PCDHA6: variants seen among roughly 807,000 people sequenced by gnomAD.
PCDHA6 encodes protocadherin alpha 6.
PCDHA6 carries 55 observed loss-of-function variants against 60.3 expected under a neutral mutation model. The observed-to-expected ratio is 0.91, with a 90% confidence interval of 0.73 to 1.14. PCDHA6 has a LOEUF of 1.14. Ranked by LOEUF, PCDHA6 falls within the 50% of genes most tolerant of loss-of-function variation. The pLI is 0.00. For missense variants in PCDHA6, 1,327 were observed against 1,256.5 expected, an observed-to-expected ratio of 1.06 and a Z score of -0.85; for synonymous variants, 652 against 557.9, an observed-to-expected ratio of 1.17 and a Z score of -2.38.
chr5:140,876,034 A>G, intron 1 of PCDHA6: 1 of 1,613,792 alleles, frequency 6.2e-7, no homozygotes, highest in Admixed American at 1.7e-5. Flanking sequence ...AAAAAAAGAT[A>G]AAAGTATATT....
intron 3 of PCDHA6, among the ~76,000 whole-genome samples, chr5:141,008,980 A>C (rs533099581): frequency 6.6e-6 from 1 of 152,374 alleles, no homozygotes; most frequent in African/African-American, 2.4e-5. Context: ...GCCAAAGTTT[A>C]ATCTAGACAC....
intron 3 of PCDHA6, among the ~76,000 whole-genome samples, chr5:141,002,404 C>T (rs1167193365): frequency 2.0e-5 from 3 of 152,200 alleles, no homozygotes; most frequent in African/African-American, 7.2e-5. Context: ...CTCTGTGCCT[C>T]CCAAATAGTA....
intron 3 of PCDHA6, among the ~76,000 whole-genome samples, chr5:141,000,361 GTCTCTCTCTCTCTC>G (rs148596731): frequency 5.7e-4 from 15 of 26,444 alleles, no homozygotes; most frequent in African/African-American, 2.0e-3. Context: ...GTCTCTCTCT[GTCTCTCTCTCTCTC>G]TCTCTCTCTC....
chr5:141,004,642 C>T (rs1470971220), intron 3 of PCDHA6, among the ~76,000 whole-genome samples: 1 of 152,120 alleles, frequency 6.6e-6, no homozygotes, highest in African/African-American at 2.4e-5. Context: ...GAAAAATTTC[C>T]ATTTTGGGCT....
intron 1 of PCDHA6, chr5:140,836,570 G>A (rs1294838200): frequency 6.2e-6 from 10 of 1,613,682 alleles, no homozygotes; most frequent in Non-Finnish European, 7.6e-6. Flanking sequence ...CGTCCTCTGA[G>A]GGCGCATGTA....
intron 3 of PCDHA6, among the ~76,000 whole-genome samples, chr5:140,988,690 C>T (rs1286168942): frequency 2.6e-5 from 4 of 152,148 alleles, no homozygotes; most frequent in South Asian, 2.1e-4. Flanking sequence ...TTTCCCTAGA[C>T]GCTCTGTATT....
At chr5:140,870,439 G>A (rs374343977) in intron 1 of PCDHA6, 5 of 1,614,126 alleles carry the variant, frequency 3.1e-6, no homozygotes, top group African/African-American at 2.7e-5. Flanking sequence ...GGAGGTGGCC[G>A]ACGTGAACGA....
chr5:140,928,296 T>C (rs2085128137), intron 1 of PCDHA6: 6 of 1,614,054 alleles, frequency 3.7e-6, no homozygotes, highest in African/African-American at 1.3e-5. Flanking sequence ...GCCGAGTGTT[T>C]GCCCAGGACC....
chr5:140,995,353 G>A lies in PCDHA6; in HGVS notation c.2542+12790G>A, dbSNP rs922727759. 8.5e-5 allele frequency among the ~76,000 whole-genome samples: 13 copies of A among 152,138 alleles called. 1 individual carries two copies. The highest frequency in any genetic ancestry group is 4.2e-4 in the South Asian group (2 of 4,804). ...GTAGTGTAGACGGCATGGATAGGTC[G>A]GACAGAGGGATGATTCACGTACTGG... On this transcript the variant is annotated intron_variant, in intron 3 of 3. Transcript: ENST00000529310.
chr5:140,954,885 T>C (rs1291095041), intron 1 of PCDHA6, among the ~76,000 whole-genome samples: 1 of 152,218 alleles, frequency 6.6e-6, no homozygotes, highest in Non-Finnish European at 1.5e-5. Context: ...GCTTTTCTTC[T>C]AGGGTTTTTA....
intron 1 of PCDHA6, chr5:140,884,812 G>A: frequency 9.0e-7 from 1 of 1,117,104 alleles, no homozygotes; most frequent in Non-Finnish European, 1.2e-6. Flanking sequence ...ACTCTGCTGT[G>A]GACATTATGT....
At chr5:140,853,047 T>C in intron 1 of PCDHA6, 1 of 270,060 alleles carries the variant, frequency 3.7e-6, no homozygotes, top group Non-Finnish European at 5.9e-6. Context: ...CCCGCCTAAT[T>C]TTTTTGTATT....
rs782205253 is a variant in PCDHA6, at chr5:140,927,557, T to C, written c.2395-51392T>C. 12 of 1,614,028 alleles carry C rather than the reference T, an allele frequency of 7.4e-6. No homozygotes were observed. In the East Asian group the frequency reaches 2.7e-4, roughly 36 times the overall value. On this transcript the variant is annotated intron_variant, in intron 1 of 3. Coordinates refer to ENST00000529310, the MANE Select transcript of PCDHA6 (RefSeq NM_018909.4). ...TCAGGAGACGCACAAGTCACCATCATTGTGGTGGACACAAATGACAACGCG... is the reference window on the plus strand; with the variant it reads ...TCAGGAGACGCACAAGTCACCATCACTGTGGTGGACACAAATGACAACGCG...
chr5:140,937,606 TACTC>T (rs1186588675), intron 1 of PCDHA6, among the ~76,000 whole-genome samples: 2 of 123,664 alleles, frequency 1.6e-5, no homozygotes, highest in Non-Finnish European at 3.5e-5. Context: ...AACAGAGTGA[TACTC>T]CATCTAAAAA....
chr5:140,944,242 C>T (rs969404044), intron 1 of PCDHA6, among the ~76,000 whole-genome samples: 1 of 152,172 alleles, frequency 6.6e-6, no homozygotes, highest in African/African-American at 2.4e-5. Flanking sequence ...GGCTGGAGTG[C>T]AGTGATGTGA....
chr5:140,855,635 T>G (rs1281474999), intron 1 of PCDHA6, among the ~76,000 whole-genome samples: 4 of 149,818 alleles, frequency 2.7e-5, no homozygotes, highest in African/African-American at 7.4e-5. Flanking sequence ...ATTCGGCTAT[T>G]GATAATCATG....
intron 1 of PCDHA6, chr5:140,834,400 G>A: frequency 1.2e-6 from 2 of 1,605,520 alleles, no homozygotes; most frequent in Non-Finnish European, 8.5e-7. Flanking sequence ...TGCCCGAATG[G>A]ATACGACCCA....
chr5:140,929,154 T>C (rs1005551092), intron 1 of PCDHA6: 3 of 1,614,180 alleles, frequency 1.9e-6, no homozygotes, highest in Non-Finnish European at 1.7e-6. Context: ...CTCAGACTTA[T>C]CTCTATCGGG....
intron 3 of PCDHA6, among the ~76,000 whole-genome samples, chr5:140,995,873 C>T (rs1554254864): frequency 6.6e-6 from 1 of 152,126 alleles, no homozygotes; most frequent in Non-Finnish European, 1.5e-5. Flanking sequence ...AATTGTGCAA[C>T]CTGTGCTTCA....
Sources: gnomAD v4.1 joint callset for allele counts (sites outside exome capture counted in the v4.1 genomes callset) on GRCh38, gnomAD v4.1.1 for gene constraint, MANE v1.5 for transcripts, NCBI Gene and HGNC (gene_info 2026-07-23, HGNC 2026-07-21) for gene names.